Variants in AHCY observed in about 807,000 individuals in gnomAD.
AHCY encodes the protein adenosylhomocysteinase.
AHCY carries 24 observed loss-of-function variants against 45.4 expected under a neutral mutation model. The ratio of observed to expected loss-of-function variants is 0.53; its 90% CI spans 0.38 to 0.74. The LOEUF (loss-of-function observed/expected upper bound fraction) is 0.74. Ranked by LOEUF, AHCY falls within the 30% of genes least tolerant of loss-of-function variation. The probability of loss-of-function intolerance (pLI) is 0.00; values close to 1 mark genes in which losing one functional copy is unlikely to be tolerated. For synonymous variants in AHCY, 245 were observed against 235.1 expected, an observed-to-expected ratio of 1.04 and a Z score of -0.39; for missense variants, 449 against 594.1, an observed-to-expected ratio of 0.76 and a Z score of 2.54.
chr20:34,236,545 C>CA, the AHCY span, among the ~76,000 whole-genome samples: 3,976 of 137,000 alleles, frequency 0.029, 82 homozygotes, highest in Non-Finnish European at 0.046. Flanking sequence ...AACTCTGTCT[C>CA]AAAAAAAAAA....
chr20:34,284,186 G>T (rs2036094563), intron 9 of AHCY, among the ~76,000 whole-genome samples: 1 of 151,704 alleles, frequency 6.6e-6, no homozygotes, highest in Non-Finnish European at 1.5e-5. Flanking sequence ...TTTGAGACAG[G>T]GTCTCACTCT....
upstream of AHCY, chr20:34,303,364 G>A: frequency 6.6e-7 from 1 of 1,519,720 alleles, no homozygotes; most frequent in Non-Finnish European, 8.9e-7. Context: ...GGATATGCGC[G>A]TGGCGCCGAC....
At chr20:34,291,375 G>T in intron 5 of AHCY, 44 bp downstream of exon 5, 1 of 1,552,712 alleles carries the variant, frequency 6.4e-7, no homozygotes, top group Non-Finnish European at 8.9e-7. Flanking sequence ...CTCGTCCTGA[G>T]CTGCAGCCAC....
chr20:34,257,538 A>T, the AHCY span, among the ~76,000 whole-genome samples: 2 of 152,154 alleles, frequency 1.3e-5, no homozygotes, highest in Non-Finnish European at 2.9e-5. Flanking sequence ...TAAAAATTTT[A>T]AATATATATT....
At chr20:34,283,170 C>T (rs1320690716) in intron 9 of AHCY, among the ~76,000 whole-genome samples, 2 of 151,990 alleles carry the variant, frequency 1.3e-5, no homozygotes, top group African/African-American at 4.8e-5. Flanking sequence ...CTGCTTGGCC[C>T]GGACTAGCCC....
chr20:34,269,677 G>C, the AHCY span, among the ~76,000 whole-genome samples: 1 of 151,876 alleles, frequency 6.6e-6, no homozygotes, highest in Non-Finnish European at 1.5e-5. Flanking sequence ...AAGCGCGGTG[G>C]CTCACGCCTG....
At chr20:34,284,680 A>C (rs2036113399) in intron 9 of AHCY, among the ~76,000 whole-genome samples, 1 of 152,078 alleles carries the variant, frequency 6.6e-6, no homozygotes. Context: ...AAAATTAGCC[A>C]AGTGTGGTGG....
intron 3 of AHCY, chr20:34,293,466 G>GAA: frequency 7.5e-5 from 11 of 147,500 alleles, no homozygotes; most frequent in South Asian, 5.4e-4. Flanking sequence ...GTCTCAAAAA[G>GAA]AAAAAAAAAA....
upstream of AHCY, among the ~76,000 whole-genome samples, chr20:34,308,158 C>T (rs1385524524): frequency 6.6e-6 from 1 of 152,176 alleles, no homozygotes; most frequent in Non-Finnish European, 1.5e-5. Context: ...CATAGTATTC[C>T]ATGGTGTATA....
chr20:34,290,930 A>C lies in AHCY; in HGVS notation c.567T>G (p.Phe189Leu), dbSNP rs2036365104. Residue 189 changes from phenylalanine to leucine, a missense_variant, in exon 6 of 10, where the codon TTT becomes TTG. Physicochemically the swap from Phe to Leu is conservative, Grantham distance 22 (BLOSUM62 0). Transcript: ENST00000217426. This position sits in a 1 kb window ranked among gnomAD's most constrained non-coding sequence, Gnocchi z 4.5. ...NVNDSVTKSK[F>L]DNLYGCRESL... ...ACTCCCGGCAGCCATAGAGGTTGTC[A>C]AACTTGCTCTGAAAGGAAAGGGGGT... 1 of 1,613,970 alleles carries C rather than the reference A, an allele frequency of 6.2e-7. No individual in the cohort carries two copies. Among genetic ancestry groups the C allele is most frequent in the Non-Finnish European group, 8.5e-7 (1 of 1,180,022 alleles).
chr20:34,243,439 A>G, the AHCY span, among the ~76,000 whole-genome samples: 3 of 152,260 alleles, frequency 2.0e-5, no homozygotes, highest in East Asian at 5.8e-4. Context: ...AAATAATTTT[A>G]GTGTTGTTAA....
chr20:34,302,876 G>C (rs2036826522), intron 1 of AHCY: 1 of 985,350 alleles, frequency 1.0e-6, no homozygotes, highest in African/African-American at 1.7e-5. Context: ...GCTGGACAGG[G>C]TCCGGTCCAG....
At chr20:34,249,826 GA>G in the AHCY span, among the ~76,000 whole-genome samples, 1 of 152,122 alleles carries the variant, frequency 6.6e-6, no homozygotes, top group South Asian at 2.1e-4. Context: ...ACCCATTATG[GA>G]CCCAGAGAAA....
chr20:34,233,439 G>A, the AHCY span, among the ~76,000 whole-genome samples: 3 of 152,032 alleles, frequency 2.0e-5, no homozygotes, highest in Admixed American at 6.6e-5. Flanking sequence ...GAGCCACCGC[G>A]CCCGGCCCAC....
Position 34,290,446 on chromosome 20 carries a change from G to C in AHCY, c.858C>G (p.His286Gln). The change falls in exon 8 of 10, where the codon CAC becomes CAG. Residue 286 changes from histidine to glutamine, a missense_variant. Coordinates refer to ENST00000217426, the MANE Select transcript of AHCY (RefSeq NM_000687.4). The surrounding 1 kb of genome is among the most constrained non-coding windows in gnomAD (Gnocchi z 4.5). ...TGCIDIILGR[H>Q]FEQMKDDAIV... ...TGGCATCATCCTTCATCTGCTCAAA[G>C]TGCCTGTCAGGCAGCCCAAGACCGT... is the stretch of plus-strand genomic sequence containing the variant. 6.2e-7 allele frequency: 1 copy of C among 1,614,212 alleles called. No individual in the cohort carries two copies. Among genetic ancestry groups the C allele is most frequent in the Non-Finnish European group, 8.5e-7 (1 of 1,180,036 alleles).
intron 1 of AHCY, 28 bp from the exon 2 acceptor site, chr20:34,295,613 G>A (rs190341860): frequency 5.5e-5 from 88 of 1,609,654 alleles, no homozygotes; most frequent in South Asian, 1.0e-4. Context: ...TGGGAGTTCC[G>A]TGAGTCCCCT....
At position 34,290,228 on chromosome 20, in the gene AHCY, C is replaced by A; in HGVS notation, c.972+104G>T. 9.0e-7 allele frequency: 1 copy of A among 1,111,046 alleles called. No individual in the cohort carries two copies. Among genetic ancestry groups the A allele is most frequent in the South Asian group, 1.2e-5 (1 of 81,238 alleles). The allele number at this position is 1,111,046 out of a possible 1,614,324, so 68.8% of individuals were successfully genotyped here. ...GATGCTAGGCCCTCTTCTCCCCATC[C>A]CCCTGCACAGGTTGCCACCATCTCC... On this transcript the variant is annotated intron_variant, in intron 8 of 9. Coordinates refer to ENST00000217426, the MANE Select transcript of AHCY (RefSeq NM_000687.4). This position sits in a 1 kb window ranked among gnomAD's most constrained non-coding sequence, Gnocchi z 4.5.
chr20:34,265,403 A>G, the AHCY span, among the ~76,000 whole-genome samples: 1 of 152,132 alleles, frequency 6.6e-6, no homozygotes, highest in African/African-American at 2.4e-5. Flanking sequence ...GTGCTCCTGT[A>G]GTCCCAGATA....
chr20:34,295,993 T>C (rs2036567137), intron 1 of AHCY, among the ~76,000 whole-genome samples: 1 of 152,128 alleles, frequency 6.6e-6, no homozygotes, highest in Non-Finnish European at 1.5e-5. Flanking sequence ...CTCTCAGTCA[T>C]CACTCTCGGT....
Sources: gnomAD v4.1 joint callset for allele counts (sites outside exome capture counted in the v4.1 genomes callset) on GRCh38, gnomAD v4.1.1 for gene constraint, Gnocchi (gnomAD v3.1) non-coding constraint, MANE v1.5 for transcripts, NCBI Gene and HGNC (gene_info 2026-07-23, HGNC 2026-07-21) for gene names.